The following HYDIN variants were observed in gnomAD, a reference collection of about 807,000 sequenced individuals.
HYDIN encodes the protein HYDIN axonemal central pair apparatus protein, also known as axonemal central pair apparatus protein HYDIN.
Under a neutral mutation model 403.9 loss-of-function variants are expected in HYDIN, and 132 were observed. That is an observed-to-expected ratio of 0.33 (90% CI 0.28 to 0.38). The LOEUF (loss-of-function observed/expected upper bound fraction) is 0.38, where lower values mean the gene tolerates loss of function less well. Among genes scored for constraint, HYDIN ranks in the 10% least tolerant of loss-of-function variants. The probability of loss-of-function intolerance (pLI) is 1.00; values close to 1 mark genes in which losing one functional copy is unlikely to be tolerated. For missense variants in HYDIN, 2,827 were observed against 5,009.5 expected (o/e 0.56, Z 13.15); for synonymous variants, 1,202 against 1,891.7 (o/e 0.64, Z 9.46).
chr16:70,964,448 C>G (rs783733), intron 37 of HYDIN, among the ~76,000 whole-genome samples: 2 of 151,324 alleles, frequency 1.3e-5, no homozygotes, highest in African/African-American at 2.4e-5. Context: ...AAGCCCTCAA[C>G]GTGGCATCCA....
At chr16:71,190,361 C>A (rs537187828) in intron 1 of HYDIN, among the ~76,000 whole-genome samples, 4 of 144,116 alleles carry the variant, frequency 2.8e-5, no homozygotes, top group Admixed American at 7.0e-5. Flanking sequence ...AAAAAAAAGT[C>A]GGCAATAGAT....
chr16:70,927,449 T>A (rs2077188476), intron 45 of HYDIN, among the ~76,000 whole-genome samples: 1 of 143,516 alleles, frequency 7.0e-6, no homozygotes. Flanking sequence ...CCAAAAGACC[T>A]CTTCCCTAGA....
At chr16:71,093,962 T>C (rs753725679) in intron 10 of HYDIN, 27 bp from the exon 11 acceptor site, 2 of 1,610,888 alleles carry the variant, frequency 1.2e-6, no homozygotes, top group South Asian at 1.1e-5. Context: ...GACTTTATCA[T>C]CCAAATGGTG....
At chr16:71,201,993 C>G (rs1415861420) in intron 1 of HYDIN, among the ~76,000 whole-genome samples, 1 of 152,196 alleles carries the variant, frequency 6.6e-6, no homozygotes, top group Non-Finnish European at 1.5e-5. Flanking sequence ...CTCAATTTGT[C>G]AAATATGCTA....
rs566260261 is a variant in HYDIN at position 70,848,300 on chromosome 16, A to G, written c.12873+1426T>C. Reference sequence around the variant, plus strand: ...ATATTTTAAATAGATGGTTTCAAGTATTTGTCTATTAAGTCCAACATCTGG... The same window carrying G: ...ATATTTTAAATAGATGGTTTCAAGTGTTTGTCTATTAAGTCCAACATCTGG... On this transcript the variant is annotated intron_variant, in intron 75 of 85. Transcript: ENST00000393567. 4.0e-5 allele frequency among the ~76,000 whole-genome samples: 6 copies of G among 151,814 alleles called. No individual in the cohort carries two copies. The South Asian group carries it at 1.0e-3, about 26-fold the overall frequency.
chr16:70,865,211 T>C lies in HYDIN; in HGVS notation c.11471+958A>G, dbSNP rs1050720052. On this transcript the variant is annotated intron_variant, in intron 67 of 85. Coordinates refer to ENST00000393567, the MANE Select transcript of HYDIN (RefSeq NM_001270974.2). ...TTCACTTGGCTACCCCCATTCTCAC[T>C]TCTTTCACTCTCACTTTGTTCTCAC... is the stretch of plus-strand genomic sequence containing the variant. The C allele has an allele frequency of 2.9e-5, 11 of 380,524 alleles. No individual in the cohort carries two copies. The Admixed American group carries it at 2.9e-4, about 10-fold the overall frequency. The allele number at this position is 380,524 out of a possible 1,614,324, so 23.6% of individuals were successfully genotyped here.
chr16:71,027,033 C>T (rs1285472291), intron 20 of HYDIN: 2 of 656,796 alleles, frequency 3.0e-6, no homozygotes, highest in East Asian at 2.7e-4. Flanking sequence ...TAAAGAAACA[C>T]TCATGATTTG....
At chr16:71,061,590 T>C (rs2082081601) in intron 17 of HYDIN, among the ~76,000 whole-genome samples, 1 of 152,042 alleles carries the variant, frequency 6.6e-6, no homozygotes, top group South Asian at 2.1e-4. Flanking sequence ...TCTTAACAGC[T>C]TGAGTAGGCT....
Position 70,981,442 on chromosome 16 carries a change from C to T in HYDIN, c.4459G>A (p.Gly1487Arg), listed in dbSNP as rs748626665. Residue 1487 changes from glycine (G) to arginine (R), a missense_variant, in exon 29 of 86, where the codon GGA (glycine) becomes AGA (arginine). Physicochemically the swap from Gly to Arg is moderately radical, Grantham distance 125. Coordinates refer to ENST00000393567, the MANE Select transcript of HYDIN (RefSeq NM_001270974.2). ...HLDPENITLS[G>R]EGIFPQICLD... The stretch of plus-strand genomic sequence containing the variant: ...CAGATTTGGGGAAAGATTCCCTCTC[C>T]GCTCAGAGTGATATTTTCTGGGTCC... The T allele has an allele frequency of 8.7e-6, 14 of 1,613,684 alleles. No individual in the cohort carries two copies. In the East Asian group the frequency reaches 1.3e-4, roughly 15 times the overall value.
At position 70,805,520 on chromosome 16, in the gene HYDIN, T is replaced by G. The variant is rs560691233; in HGVS notation, c.*2060A>C. On this transcript the variant is annotated 3_prime_UTR_variant, in exon 86 of 86. Coordinates refer to ENST00000393567, the MANE Select transcript of HYDIN (RefSeq NM_001270974.2). ...CAGATTCTCAAGCCCCACCCAAATC[T>G]CCTAGATCGGACTTCCTGAGGGTGG... Among the ~76,000 whole-genome samples, 1 of 152,278 alleles carries G rather than the reference T, an allele frequency of 6.6e-6. No individual in the cohort carries two copies. Among genetic ancestry groups the G allele is most frequent in the East Asian group, 1.9e-4 (1 of 5,184 alleles).
chr16:70,823,695 G>A (rs2036407599), intron 83 of HYDIN, among the ~76,000 whole-genome samples: 1 of 152,112 alleles, frequency 6.6e-6, no homozygotes, highest in Admixed American at 6.5e-5. Context: ...ATCCCATGTT[G>A]TCTCACCCTG....
chr16:71,159,649 C>T (rs2085918072), intron 6 of HYDIN, among the ~76,000 whole-genome samples: 1 of 115,462 alleles, frequency 8.7e-6, no homozygotes, highest in Non-Finnish European at 1.7e-5. Flanking sequence ...CCAAATAAAT[C>T]AGCAAGTAGC....
chr16:70,908,711 G>T lies in HYDIN; in HGVS notation c.8155C>A (p.Leu2719Met), dbSNP rs781293320. Residue 2719 changes from leucine (L) to methionine (M), a missense_variant, in exon 48 of 86, where the codon CTG becomes ATG. Leu to Met is a conservative substitution (Grantham distance 15). Transcript: ENST00000393567. ...SGEPAGTISQ[L>M]SDTDLDNFNG... ...AAGTTGTCCAGGTCTGTATCTGACAGCTGGGAAATGGTTCCAGCAGGTTCC... is the reference window on the plus strand; with the variant it reads ...AAGTTGTCCAGGTCTGTATCTGACATCTGGGAAATGGTTCCAGCAGGTTCC... 3.7e-6 allele frequency: 6 copies of T among 1,611,058 alleles called. No individual in the cohort carries two copies.
intron 76 of HYDIN, among the ~76,000 whole-genome samples, chr16:70,839,720 C>A (rs1386591761): frequency 6.6e-6 from 1 of 151,766 alleles, no homozygotes; most frequent in African/African-American, 2.4e-5. Flanking sequence ...CTGCTATTTA[C>A]TGCAAAGCCA....
At chr16:70,895,953 C>T (rs1413937286) in intron 54 of HYDIN, 28 bp downstream of exon 54, 1 of 1,574,110 alleles carries the variant, frequency 6.4e-7, no homozygotes, top group East Asian at 2.2e-5. Context: ...AACTTCCAAA[C>T]ATCCTGTCCT....
chr16:71,219,919 A>G lies in HYDIN; in HGVS notation c.-24+10643T>C, dbSNP rs142914866. Among the ~76,000 whole-genome samples the G allele has an allele frequency of 3.0e-3, 452 of 152,322 alleles. 4 individuals are homozygous for G. The highest frequency in any genetic ancestry group is 0.011 in the South Asian group (55 of 4,830). On this transcript the variant is annotated intron_variant, in intron 1 of 85. Coordinates refer to ENST00000393567, the MANE Select transcript of HYDIN (RefSeq NM_001270974.2). ...TATTTGAAAGAAAAAGTTTGCCCTC[A>G]GGAATGAGTTGTCGTTTCACTTTTA...
At position 71,093,681 on chromosome 16, in the gene HYDIN, A is replaced by G. The variant is rs1597759071; in HGVS notation, c.1446+136T>C. ...GGAGGAGGAAGAATCTGAGCACTCC[A>G]GGGTCTCAACAAGGATGAGTAACGG... On this transcript the variant is annotated intron_variant, in intron 11 of 85. Transcript: ENST00000393567. 14 of 666,134 alleles carry G rather than the reference A, an allele frequency of 2.1e-5. No homozygotes were observed. In the East Asian group the frequency reaches 4.4e-4, roughly 21 times the overall value. 41.3% of individuals were successfully genotyped at this position (666,134 alleles called of 1,614,324 possible).
At chr16:70,881,710 T>C (rs1216882409) in intron 60 of HYDIN, among the ~76,000 whole-genome samples, 1 of 152,180 alleles carries the variant, frequency 6.6e-6, no homozygotes, top group African/African-American at 2.4e-5. Context: ...CCTCTCTGCA[T>C]TGACATTCCC....
intron 83 of HYDIN, among the ~76,000 whole-genome samples, chr16:70,822,795 G>A (rs1473557795): frequency 6.6e-6 from 1 of 151,958 alleles, no homozygotes; most frequent in Admixed American, 6.6e-5. Flanking sequence ...TGATCATTAG[G>A]ATTTTTAAGC....
Sources: allele counts gnomAD v4.1 joint callset (sites outside exome capture counted in the v4.1 genomes callset), GRCh38; gene constraint gnomAD v4.1.1; transcripts MANE v1.5; gene names NCBI Gene and HGNC (gene_info 2026-07-23, HGNC 2026-07-21).